Variants in CFAP54 observed in about 807,000 individuals in gnomAD.
CFAP54 encodes cilia- and flagella-associated protein 54.
CFAP54 carries 290 observed loss-of-function variants against 370.4 expected under a neutral mutation model. That is an observed-to-expected ratio of 0.78 (90% CI 0.71 to 0.86). The LOEUF is 0.86. Among genes scored for constraint, CFAP54 ranks in the 40% least tolerant of loss-of-function variants. The pLI is 0.00. For synonymous variants in CFAP54, 1,206 were observed against 1,236.5 expected (o/e 0.98, Z 0.52); for missense variants, 3,399 against 3,528.7 (o/e 0.96, Z 0.93).
At chr12:96,718,044 A>G (rs1440953352) in intron 48 of CFAP54, among the ~76,000 whole-genome samples, 2 of 152,114 alleles carry the variant, frequency 1.3e-5, no homozygotes, top group Non-Finnish European at 2.9e-5. Flanking sequence ...TTTTCCTGTG[A>G]ATGATGAGTT....
At chr12:96,837,093 A>G (rs1271487052) in intron 66 of CFAP54, among the ~76,000 whole-genome samples, 1 of 152,162 alleles carries the variant, frequency 6.6e-6, no homozygotes, top group Non-Finnish European at 1.5e-5. Context: ...AAGCACTGGG[A>G]TTACAGGTAT....
intron 4 of CFAP54, among the ~76,000 whole-genome samples, chr12:96,507,562 C>CAT (rs1955120833): frequency 2.0e-5 from 3 of 150,800 alleles, no homozygotes; most frequent in East Asian, 1.9e-4. Flanking sequence ...CACACACATA[C>CAT]ACACACACAT....
intron 64 of CFAP54, among the ~76,000 whole-genome samples, chr12:96,812,945 A>G (rs566220613): frequency 1.3e-5 from 2 of 150,406 alleles, no homozygotes; most frequent in South Asian, 2.1e-4. Flanking sequence ...CATTCAGTCA[A>G]TTTATTTTCT....
chr12:96,625,613 C>T, intron 28 of CFAP54, 105 bp from the exon 29 acceptor site: 22 of 585,106 alleles, frequency 3.8e-5, no homozygotes, highest in South Asian at 1.1e-4. Flanking sequence ...TAGTATTTTC[C>T]TGTTTTGTCA....
chr12:96,717,617 CAGAAT>C (rs1188884341), intron 48 of CFAP54, among the ~76,000 whole-genome samples: 10 of 152,328 alleles, frequency 6.6e-5, no homozygotes, highest in African/African-American at 2.2e-4. Flanking sequence ...CTCCCCTGTT[CAGAAT>C]AAGAGCAGGC....
intron 26 of CFAP54, among the ~76,000 whole-genome samples, chr12:96,613,463 G>C (rs1257798954): frequency 6.6e-6 from 1 of 152,160 alleles, no homozygotes; most frequent in Non-Finnish European, 1.5e-5. Context: ...AAAAGAACTA[G>C]AGAAGCAAGA....
At chr12:96,777,847 G>A (rs1335595273) in intron 60 of CFAP54, among the ~76,000 whole-genome samples, 1 of 152,242 alleles carries the variant, frequency 6.6e-6, no homozygotes, top group East Asian at 1.9e-4. Flanking sequence ...TTTGTTCCAG[G>A]ATAAACCATT....
chr12:96,874,612 C>CCTT (rs1960247988), intron 67 of CFAP54, among the ~76,000 whole-genome samples: 15 of 40,058 alleles, frequency 3.7e-4, no homozygotes, highest in African/African-American at 1.3e-3. Context: ...GGGATCTCTG[C>CCTT]TTTTTTTTAT....
Position 96,489,779 on chromosome 12 carries a change from C to T in CFAP54, c.170C>T (p.Pro57Leu). 6.5e-7 allele frequency: 1 copy of T among 1,536,140 alleles called. No homozygotes were observed. Among genetic ancestry groups the T allele is most frequent in the Middle Eastern group, 1.7e-4 (1 of 5,990 alleles). Residue 57 changes from proline to leucine, a missense_variant, in exon 1 of 68, where the codon CCC (proline) becomes CTC (leucine). Around this residue, in one of 3 missense-constraint regions of CFAP54, gnomAD observed 559 missense variants for 576.7 expected, o/e 0.97. Coordinates refer to ENST00000524981, the MANE Select transcript of CFAP54 (RefSeq NM_001306084.2). ...LQWTCPEDSL[P>L]LAVFYGPLDA... is the part of the protein sequence containing the mutation. ...TGGACCTGCCCCGAGGACTCATTGCCCCTAGCCGTGTTTTATGGGCCGCTG... is the reference window on the plus strand; with the variant it reads ...TGGACCTGCCCCGAGGACTCATTGCTCCTAGCCGTGTTTTATGGGCCGCTG...
chr12:96,489,800 C>T lies in CFAP54; in HGVS notation c.191C>T (p.Pro64Leu). 5 of 1,536,096 alleles carry T rather than the reference C, an allele frequency of 3.3e-6. No homozygotes were observed. Among genetic ancestry groups the T allele is most frequent in the Non-Finnish European group, 4.4e-6 (5 of 1,146,910 alleles). Residue 64 changes from proline to leucine, a missense_variant, in exon 1 of 68, where the codon CCG (proline) becomes CTG (leucine). Pro to Leu is a moderately conservative substitution (Grantham distance 98, BLOSUM62 -3). Coordinates refer to ENST00000524981, the MANE Select transcript of CFAP54 (RefSeq NM_001306084.2). ...TTGCCCCTAGCCGTGTTTTATGGGC[C>T]GCTGGACGCGAAAAACCCGCTCCTG... Reference protein sequence around the residue: ...DSLPLAVFYGPLDAKNPLLAS... With the variant: ...DSLPLAVFYGLLDAKNPLLAS...
At chr12:96,664,810 TATAG>T (rs1170103934) in intron 39 of CFAP54, among the ~76,000 whole-genome samples, 469 of 39,476 alleles carry the variant, frequency 0.012, 29 homozygotes, top group African/African-American at 0.042. Context: ...TATATATATA[TATAG>T]ATATATATAT....
chr12:96,558,082 T>C (rs1031553733), intron 17 of CFAP54, among the ~76,000 whole-genome samples: 1 of 152,098 alleles, frequency 6.6e-6, no homozygotes, highest in Non-Finnish European at 1.5e-5. Flanking sequence ...GAAAAGCATA[T>C]AGGTAGATGT....
chr12:96,776,818 G>A (rs1958522172), intron 60 of CFAP54, among the ~76,000 whole-genome samples: 1 of 152,060 alleles, frequency 6.6e-6, no homozygotes, highest in Non-Finnish European at 1.5e-5. Context: ...TGTATATTAG[G>A]CATTTGGAAA....
At chr12:96,652,074 T>G (rs959073952) in intron 36 of CFAP54, among the ~76,000 whole-genome samples, 2 of 152,188 alleles carry the variant, frequency 1.3e-5, no homozygotes, top group Non-Finnish European at 2.9e-5. Flanking sequence ...AAATTTGCCT[T>G]AATACACTTA....
chr12:96,742,623 T>C, intron 52 of CFAP54, 37 bp downstream of exon 52: 2 of 1,571,720 alleles, frequency 1.3e-6, no homozygotes, highest in South Asian at 1.2e-5. Context: ...TTCATAAAAA[T>C]TAATTTTACA....
At chr12:96,854,825 G>A (rs569377221) in intron 66 of CFAP54, among the ~76,000 whole-genome samples, 20 of 152,120 alleles carry the variant, frequency 1.3e-4, no homozygotes, top group East Asian at 9.6e-4. Context: ...TTTTAGGTTC[G>A]GAATACATGT....
At chr12:96,627,805 G>T (rs1178470854) in intron 30 of CFAP54, among the ~76,000 whole-genome samples, 1 of 152,146 alleles carries the variant, frequency 6.6e-6, no homozygotes, top group Non-Finnish European at 1.5e-5. Flanking sequence ...TAGATATTTA[G>T]GGGGGTTAAA....
At chr12:96,545,109 C>G (rs1274454228) in intron 14 of CFAP54, among the ~76,000 whole-genome samples, 2 of 152,032 alleles carry the variant, frequency 1.3e-5, no homozygotes, top group African/African-American at 4.8e-5. Flanking sequence ...GACAGGGTTT[C>G]ACCATGTTGG....
chr12:96,603,693 A>G (rs528885990), intron 26 of CFAP54, among the ~76,000 whole-genome samples: 81 of 151,842 alleles, frequency 5.3e-4, no homozygotes, highest in Non-Finnish European at 9.7e-4. Context: ...TTCTCCCTTT[A>G]TTTCATTACT....
Sources: allele counts gnomAD v4.1 joint callset (sites outside exome capture counted in the v4.1 genomes callset), GRCh38; gene constraint gnomAD v4.1.1; regional missense constraint gnomAD v4.1.1; transcripts MANE v1.5; gene names NCBI Gene and HGNC (gene_info 2026-07-23, HGNC 2026-07-21).